AAK1: variants seen among roughly 807,000 people sequenced by gnomAD.
AAK1 encodes AP2 associated kinase 1.
In AAK1, 37 loss-of-function variants were observed where a neutral mutation model predicts 116.0. That is an observed-to-expected ratio of 0.32 (90% CI 0.25 to 0.42). The LOEUF is 0.42. Among genes scored for constraint, AAK1 ranks in the 10% least tolerant of loss-of-function variants. AAK1 has a pLI of 1.00. For missense variants in AAK1, 919 were observed against 1,170.6 expected (o/e 0.79, Z 3.14); for synonymous variants, 458 against 439.9 (o/e 1.04, Z -0.51).
intron 2 of AAK1, among the ~76,000 whole-genome samples, chr2:69,634,158 A>T (rs1009377679): frequency 2.7e-5 from 4 of 150,172 alleles, no homozygotes; most frequent in African/African-American, 7.3e-5. Flanking sequence ...CGACAGCAAG[A>T]CTCTGTCTGA....
chr2:69,485,261 T>A (rs1675249221), intron 17 of AAK1, among the ~76,000 whole-genome samples: 1 of 152,228 alleles, frequency 6.6e-6, no homozygotes. Flanking sequence ...TGCTTGTCTT[T>A]CATGCAGCAG....
intron 3 of AAK1, 76 bp from the exon 4 acceptor site, chr2:69,544,620 G>A (rs1670851927): frequency 9.7e-7 from 1 of 1,032,734 alleles, no homozygotes; most frequent in Non-Finnish European, 1.5e-6. Flanking sequence ...AGTTCCATTA[G>A]CACAGATAAT....
At chr2:69,643,362 A>G in intron 1 of AAK1, 88 bp from the exon 2 acceptor site, 4 of 1,200,568 alleles carry the variant, frequency 3.3e-6, no homozygotes, top group Non-Finnish European at 4.2e-6. Flanking sequence ...AAAAGCCATC[A>G]TCCTGGGGAA....
In AAK1 at chr2:69,474,624, T is replaced by G; in HGVS notation, c.*1245A>C. On this transcript the variant is annotated 3_prime_UTR_variant, in exon 22 of 22. Transcript: ENST00000409085. ...TCAATTTAAACATCAGAAAGAAAGG[T>G]AAGCTGGGCACACCCAGATTGTGTC... 1 of 985,586 alleles carries G rather than the reference T, an allele frequency of 1.0e-6. No homozygotes were observed. Among genetic ancestry groups the G allele is most frequent in the Non-Finnish European group, 1.2e-6 (1 of 829,910 alleles). The allele number at this position is 985,586 out of a possible 1,614,324, so 61.1% of individuals were successfully genotyped here. A position where few individuals can be genotyped will look rare whatever the true frequency, so the allele number is the denominator to read the frequency against.
At position 69,556,859 on chromosome 2, in the gene AAK1, C is replaced by T; in HGVS notation, c.282+1G>A. On this transcript the variant is annotated splice_donor_variant, in intron 3 of 21. Coordinates refer to ENST00000409085, the MANE Select transcript of AAK1 (RefSeq NM_014911.5). LOFTEE classifies it high-confidence loss of function. ...GTCCCAAGTCCAAGGGGCAGCCTTA[C>T]CATTATCTGGATTTCTCTCTTGCAC... The T allele has an allele frequency of 6.2e-7, 1 of 1,609,444 alleles. No individual in the cohort carries two copies. Among genetic ancestry groups the T allele is most frequent in the Non-Finnish European group, 8.5e-7 (1 of 1,175,838 alleles).
chr2:69,574,190 G>GA (rs1672202817), intron 2 of AAK1, among the ~76,000 whole-genome samples: 5 of 151,318 alleles, frequency 3.3e-5, no homozygotes, highest in African/African-American at 7.3e-5. Flanking sequence ...CTGGCCAACA[G>GA]TGAAACCCCA....
intron 16 of AAK1, among the ~76,000 whole-genome samples, chr2:69,502,117 G>C (rs1217499577): frequency 6.6e-6 from 1 of 151,952 alleles, no homozygotes; most frequent in African/African-American, 2.4e-5. Context: ...CCAAGAAAAA[G>C]AGGAACACAA....
Position 69,617,602 on chromosome 2 carries a change from T to G in AAK1, c.163+25276A>C, listed in dbSNP as rs1281262433. ...ATGAAGGGAGAACAGCTTAGAAGAC[T>G]GATAAATAAATCGTTATTGTAAGAT... On this transcript the variant is annotated intron_variant, in intron 2 of 21. Coordinates refer to ENST00000409085, the MANE Select transcript of AAK1 (RefSeq NM_014911.5). Among the ~76,000 whole-genome samples the G allele has an allele frequency of 3.3e-5, 5 of 152,218 alleles. No homozygotes were observed. In the South Asian group the frequency reaches 1.0e-3, roughly 31 times the overall value.
chr2:69,606,602 G>A (rs916218539), intron 2 of AAK1, among the ~76,000 whole-genome samples: 4 of 152,306 alleles, frequency 2.6e-5, no homozygotes, highest in African/African-American at 4.8e-5. Flanking sequence ...GACACTAGAA[G>A]CCACCAATCA....
chr2:69,610,199 C>A (rs899652478), intron 2 of AAK1, among the ~76,000 whole-genome samples: 1 of 151,846 alleles, frequency 6.6e-6, no homozygotes, highest in Admixed American at 6.6e-5. Context: ...AGAAATAAAC[C>A]CTCACATATA....
chr2:69,580,274 T>G (rs1296080707), intron 2 of AAK1, among the ~76,000 whole-genome samples: 1 of 152,128 alleles, frequency 6.6e-6, no homozygotes, highest in Non-Finnish European at 1.5e-5. Context: ...ACATCCCCTC[T>G]CCTCCACCCA....
chr2:69,472,666 T>A lies in AAK1; in HGVS notation c.*3203A>T, dbSNP rs1223753883. ...CATTTGAATGTTGTAAAGGGAAAAA[T>A]CAATTTGTCATGTTTTCTGCTATAG... On this transcript the variant is annotated 3_prime_UTR_variant, in exon 22 of 22. Transcript: ENST00000409085. 1.0e-6 allele frequency: 1 copy of A among 985,424 alleles called. No individual in the cohort carries two copies. The highest frequency in any genetic ancestry group is 1.2e-6 in the Non-Finnish European group (1 of 829,916). 61.0% of individuals were successfully genotyped at this position (985,424 alleles called of 1,614,324 possible). A position where few individuals can be genotyped will look rare whatever the true frequency, so the allele number is the denominator to read the frequency against.
intron 2 of AAK1, among the ~76,000 whole-genome samples, chr2:69,574,121 A>G (rs1045504183): frequency 6.6e-6 from 1 of 151,854 alleles, no homozygotes; most frequent in Non-Finnish European, 1.5e-5. Flanking sequence ...TGTAATCCCA[A>G]GCACTTTGGG....
chr2:69,574,149 T>C (rs906920474), intron 2 of AAK1, among the ~76,000 whole-genome samples: 2 of 151,724 alleles, frequency 1.3e-5, no homozygotes, highest in Non-Finnish European at 1.5e-5. Context: ...GGTGGATCAC[T>C]TGAGGTCAGG....
At position 69,510,086 on chromosome 2, in the gene AAK1, T is replaced by TACAGGTAA. The variant is rs552592999; in HGVS notation, c.1777-634_1777-627dup. On this transcript the variant is annotated intron_variant, in intron 13 of 21. Coordinates refer to ENST00000409085, the MANE Select transcript of AAK1 (RefSeq NM_014911.5). The stretch of plus-strand genomic sequence containing the variant: ...CGGGGGTACATGTGCAGGTTTGTTA[T>TACAGGTAA]ACAGGTAAACAGGCAAACTCGTGTC... Among the ~76,000 whole-genome samples the TACAGGTAA allele has an allele frequency of 6.2e-3, 944 of 152,302 alleles. 15 individuals carry two copies. The highest frequency in any genetic ancestry group is 0.022 in the African/African-American group (913 of 41,560).
chr2:69,637,382 C>G (rs1675494274), intron 2 of AAK1, among the ~76,000 whole-genome samples: 1 of 152,150 alleles, frequency 6.6e-6, no homozygotes, highest in Admixed American at 6.5e-5. Context: ...AAGGCACAGC[C>G]ATGTCTCATT....
intron 2 of AAK1, among the ~76,000 whole-genome samples, chr2:69,589,423 T>C (rs886918186): frequency 6.6e-6 from 1 of 151,878 alleles, no homozygotes; most frequent in African/African-American, 2.4e-5. Context: ...TAAAGGAGTA[T>C]TGGGGCCAGG....
intron 2 of AAK1, among the ~76,000 whole-genome samples, chr2:69,582,213 C>T (rs1031572280): frequency 1.3e-5 from 2 of 152,100 alleles, no homozygotes; most frequent in South Asian, 2.1e-4. Flanking sequence ...TTTACAAAAG[C>T]CTCACAGACA....
intron 3 of AAK1, among the ~76,000 whole-genome samples, chr2:69,554,179 T>C (rs1671299417): frequency 1.3e-5 from 2 of 151,976 alleles, no homozygotes. Context: ...AAAGGAAATG[T>C]CCAGGAAATT....
Sources: gnomAD v4.1 joint callset for allele counts (sites outside exome capture counted in the v4.1 genomes callset) on GRCh38, gnomAD v4.1.1 for gene constraint, MANE v1.5 for transcripts, NCBI Gene and HGNC (gene_info 2026-07-23, HGNC 2026-07-21) for gene names.